MAP3K13: variants seen among roughly 807,000 people sequenced by gnomAD.
MAP3K13 encodes the protein leucine zipper-bearing kinase.
In MAP3K13, 52 loss-of-function variants were observed where a neutral mutation model predicts 104.0. The ratio of observed to expected loss-of-function variants is 0.50; its 90% CI spans 0.40 to 0.63. MAP3K13 has a LOEUF of 0.63. Among genes scored for constraint, MAP3K13 ranks in the 20% least tolerant of loss-of-function variants. The pLI is 0.00. For synonymous variants in MAP3K13, 394 were observed against 442.2 expected (o/e 0.89, Z 1.37); for missense variants, 914 against 1,218.5 (o/e 0.75, Z 3.72).
chr3:185,368,049 C>T (rs1395429659), intron 1 of MAP3K13, among the ~76,000 whole-genome samples: 4 of 152,102 alleles, frequency 2.6e-5, no homozygotes, highest in Admixed American at 6.5e-5. Context: ...CCCAGTCACT[C>T]GGGAGGGAGG....
intron 7 of MAP3K13, among the ~76,000 whole-genome samples, chr3:185,455,127 GATAT>G (rs1186831664): frequency 4.5e-5 from 5 of 110,554 alleles, no homozygotes; most frequent in African/African-American, 1.3e-4. Context: ...ATATATGTGA[GATAT>G]ATATATGATA....
At chr3:185,337,538 C>T (rs933222530) in intron 2 of MAP3K13, among the ~76,000 whole-genome samples, 8 of 152,172 alleles carry the variant, frequency 5.3e-5, no homozygotes, top group African/African-American at 1.9e-4. Flanking sequence ...AAGAATTTCA[C>T]ATCAGAACTT....
At chr3:185,356,037 A>G (rs1451207917) in intron 2 of MAP3K13, among the ~76,000 whole-genome samples, 1 of 152,166 alleles carries the variant, frequency 6.6e-6, no homozygotes, top group African/African-American at 2.4e-5. Context: ...ATTGAGATAA[A>G]CGGTAAAAAG....
At chr3:185,440,332 T>A (rs890199484) in intron 3 of MAP3K13, among the ~76,000 whole-genome samples, 1 of 152,180 alleles carries the variant, frequency 6.6e-6, no homozygotes, top group African/African-American at 2.4e-5. Flanking sequence ...GTGCGTAAGA[T>A]CACTGTTAGA....
intron 2 of MAP3K13, among the ~76,000 whole-genome samples, chr3:185,348,651 G>T (rs942216573): frequency 6.6e-6 from 1 of 152,178 alleles, no homozygotes; most frequent in Non-Finnish European, 1.5e-5. Context: ...AGGCATGGTG[G>T]CTCACGCTTG....
At chr3:185,341,542 G>A (rs1052919500) in intron 2 of MAP3K13, among the ~76,000 whole-genome samples, 2 of 152,150 alleles carry the variant, frequency 1.3e-5, no homozygotes, top group African/African-American at 4.8e-5. Context: ...CTAATGCAAC[G>A]TTTAACCCAC....
chr3:185,307,417 G>C (rs1003586206), intron 2 of MAP3K13, among the ~76,000 whole-genome samples: 1 of 151,586 alleles, frequency 6.6e-6, no homozygotes, highest in Non-Finnish European at 1.5e-5. Context: ...GCAGGAGCTG[G>C]ATAATTCTTA....
At position 185,473,652 on chromosome 3, in the gene MAP3K13, A is replaced by C; in HGVS notation, c.2321A>C (p.Glu774Ala). The change falls in exon 11 of 14, where the codon GAG becomes GCG. Residue 774 changes from glutamate to alanine, a missense_variant. Coordinates refer to ENST00000265026, the MANE Select transcript of MAP3K13 (RefSeq NM_004721.5). The surrounding 1 kb of genome is among the most constrained non-coding windows in gnomAD (Gnocchi z 4.9). ...CTCTTGGAAAACGCCCAGAGTTCTGAGAAAACGGAAGAAAATGAATTCAGC... is the reference window on the plus strand; with the variant it reads ...CTCTTGGAAAACGCCCAGAGTTCTGCGAAAACGGAAGAAAATGAATTCAGC... ...NPLLENAQSSEKTEENEFSGC... is the reference protein window; with the variant it reads ...NPLLENAQSSAKTEENEFSGC... 1 of 1,614,184 alleles carries C rather than the reference A, an allele frequency of 6.2e-7. No homozygotes were observed. The highest frequency in any genetic ancestry group is 8.5e-7 in the Non-Finnish European group (1 of 1,180,042).
At chr3:185,322,176 A>G (rs1180948838) in intron 2 of MAP3K13, among the ~76,000 whole-genome samples, 1 of 152,202 alleles carries the variant, frequency 6.6e-6, no homozygotes, top group Non-Finnish European at 1.5e-5. Flanking sequence ...CTGCGGCTTC[A>G]TATACCCCAG....
intron 2 of MAP3K13, among the ~76,000 whole-genome samples, chr3:185,334,642 G>A (rs1036696476): frequency 2.7e-5 from 4 of 148,952 alleles, no homozygotes; most frequent in East Asian, 3.9e-4. Flanking sequence ...ATGAAGTCTC[G>A]CTCTGTCACC....
At chr3:185,474,055 G>C (rs1717968080) in intron 11 of MAP3K13, among the ~76,000 whole-genome samples, 1 of 152,166 alleles carries the variant, frequency 6.6e-6, no homozygotes, top group South Asian at 2.1e-4. Context: ...GCACATGGTG[G>C]CTCACGCCTA....
Position 185,389,761 on chromosome 3 carries a change from A to G in MAP3K13, c.-86+26393A>G, listed in dbSNP as rs995064613. 2.0e-5 allele frequency among the ~76,000 whole-genome samples: 3 copies of G among 150,712 alleles called. No homozygotes were observed. The Admixed American group carries it at 2.0e-4, about 10-fold the overall frequency. On this transcript the variant is annotated intron_variant, in intron 1 of 13. Transcript: ENST00000265026. ...TTTGTTTATGTGAGTTATATCGTCT[A>G]TATTTACCATATTAGAAACTAAAAC... is the stretch of plus-strand genomic sequence containing the variant.
At chr3:185,328,502 G>C (rs184710495) in intron 2 of MAP3K13, 1 of 152,200 alleles carries the variant, frequency 6.6e-6, no homozygotes, top group African/African-American at 2.4e-5. Context: ...CGCCCGTCTC[G>C]GCCTCTCAAA....
At chr3:185,383,448 G>A (rs533041758) in intron 1 of MAP3K13, among the ~76,000 whole-genome samples, 1 of 151,926 alleles carries the variant, frequency 6.6e-6, no homozygotes, top group South Asian at 2.1e-4. Context: ...TGTAGTCCCA[G>A]CTACTCGGGA....
chr3:185,391,070 T>C (rs1712023469), intron 1 of MAP3K13, among the ~76,000 whole-genome samples: 1 of 152,148 alleles, frequency 6.6e-6, no homozygotes. Flanking sequence ...AAAATACCCA[T>C]AGCATAACAT....
At chr3:185,351,065 T>G (rs1176017649) in intron 2 of MAP3K13, among the ~76,000 whole-genome samples, 2 of 152,152 alleles carry the variant, frequency 1.3e-5, no homozygotes, top group Non-Finnish European at 2.9e-5. Flanking sequence ...TGCAGCAACA[T>G]GGATGGAGCT....
Position 185,329,192 on chromosome 3 carries a change from A to G in MAP3K13, c.-86+43549A>G, listed in dbSNP as rs1316868278. ...TGCTGCTAAAACAGGTCCCGTGTGC[A>G]CGAAATGATTTCTAATGTCTTATGT... On this transcript the variant is annotated intron_variant, in intron 2 of 14. Coordinates refer to the MAP3K13 transcript ENST00000424227. 7 of 702,856 alleles carry G rather than the reference A, an allele frequency of 1.0e-5. No homozygotes were observed. In the Middle Eastern group the frequency reaches 6.8e-4, roughly 69 times the overall value. The allele number at this position is 702,856 out of a possible 1,614,324, so 43.5% of individuals were successfully genotyped here.
chr3:185,307,541 A>AACCCCC (rs1721327649), intron 2 of MAP3K13, among the ~76,000 whole-genome samples: 1 of 71,064 alleles, frequency 1.4e-5, no homozygotes. Flanking sequence ...TTGGTGCACC[A>AACCCCC]CCCCCTCCCC....
rs753441849 is a variant in MAP3K13, at chr3:185,473,043, G to C, written c.1712G>C (p.Gly571Ala). 1 of 1,614,104 alleles carries C rather than the reference G, an allele frequency of 6.2e-7. No individual in the cohort carries two copies. The highest frequency in any genetic ancestry group is 1.1e-5 in the South Asian group (1 of 91,074). The change falls in exon 11 of 14, where the codon GGA becomes GCA. Residue 571 changes from glycine to alanine, a missense_variant. Around this residue, in one of 3 missense-constraint regions of MAP3K13, gnomAD observed 583 missense variants for 737.4 expected, o/e 0.79. Coordinates refer to ENST00000265026, the MANE Select transcript of MAP3K13 (RefSeq NM_004721.5). The surrounding 1 kb of genome is among the most constrained non-coding windows in gnomAD (Gnocchi z 4.9). Reference protein sequence around the residue: ...EVAPTASPLSGSPKMSTSSSK... With the variant: ...EVAPTASPLSASPKMSTSSSK... The stretch of plus-strand genomic sequence containing the variant: ...GCTCCCACTGCATCCCCTTTGTCCG[G>C]AAGTCCCAAAATGTCCACTTCTAGC...
Sources: allele counts gnomAD v4.1 joint callset (sites outside exome capture counted in the v4.1 genomes callset), GRCh38; gene constraint gnomAD v4.1.1; regional missense constraint gnomAD v4.1.1; non-coding constraint Gnocchi (gnomAD v3.1); transcripts MANE v1.5; gene names NCBI Gene and HGNC (gene_info 2026-07-23, HGNC 2026-07-21).